TNFRSF1B: variants seen among roughly 807,000 people sequenced by gnomAD.
TNFRSF1B encodes TNF receptor superfamily member 1B, also known as tumor necrosis factor receptor superfamily member 1B.
Under a neutral mutation model 44.6 loss-of-function variants are expected in TNFRSF1B, and 19 were observed. The ratio of observed to expected loss-of-function variants is 0.43; its 90% CI spans 0.30 to 0.62. The LOEUF is 0.62. Among genes scored for constraint, TNFRSF1B ranks in the 20% least tolerant of loss-of-function variants. The pLI is 0.16. For synonymous variants in TNFRSF1B, 252 were observed against 261.1 expected, an observed-to-expected ratio of 0.97 and a Z score of 0.34; for missense variants, 541 against 619.9, an observed-to-expected ratio of 0.87 and a Z score of 1.35.
At chr1:12,170,119 G>A (rs1248792376) in intron 1 of TNFRSF1B, among the ~76,000 whole-genome samples, 2 of 152,184 alleles carry the variant, frequency 1.3e-5, no homozygotes, top group African/African-American at 4.8e-5. Flanking sequence ...GTGGTCTGTT[G>A]GTCAGGCACG....
In TNFRSF1B at chr1:12,180,517, T is replaced by TAAATTCC. The variant is rs1465779044; in HGVS notation, c.79-8279_79-8278insAAATTCC. On this transcript the variant is annotated intron_variant, in intron 1 of 9. Transcript: ENST00000376259. The surrounding 1 kb of genome is among the most constrained non-coding windows in gnomAD (Gnocchi z 4.3). The stretch of plus-strand genomic sequence containing the variant: ...AGCAAGTCAGTTGACCCGGGGTTGC[T>TAAATTCC]CAATTCCCCAAGAGCTGACGCAAAC... Among the ~76,000 whole-genome samples, 7 of 152,184 alleles carry TAAATTCC rather than the reference T, an allele frequency of 4.6e-5. No individual in the cohort carries two copies. The highest frequency in any genetic ancestry group is 2.9e-5 in the Non-Finnish European group (2 of 68,026).
rs1436040587 is a variant in TNFRSF1B, at chr1:12,171,107, A to G, written c.78+3938A>G. 6.6e-6 allele frequency among the ~76,000 whole-genome samples: 1 copy of G among 150,760 alleles called. No homozygotes were observed. Among genetic ancestry groups the G allele is most frequent in the Non-Finnish European group, 1.5e-5 (1 of 67,842 alleles). On this transcript the variant is annotated intron_variant, in intron 1 of 9. Coordinates refer to ENST00000376259, the MANE Select transcript of TNFRSF1B (RefSeq NM_001066.3). This position sits in a 1 kb window ranked among gnomAD's most constrained non-coding sequence, Gnocchi z 4.5. ...AACCTCCACCTCCTGGGTTCAAGCA[A>G]TTTTCCCACCTCAGCCTCCCAAGTA...
At chr1:12,204,516 T>G (rs1409718307) in intron 9 of TNFRSF1B, among the ~76,000 whole-genome samples, 1 of 152,180 alleles carries the variant, frequency 6.6e-6, no homozygotes, top group Non-Finnish European at 1.5e-5. Flanking sequence ...AGCAGGCCCC[T>G]GCAGCAACAG....
In TNFRSF1B at chr1:12,171,590, T is replaced by C. The variant is rs959820782; in HGVS notation, c.78+4421T>C. On this transcript the variant is annotated intron_variant, in intron 1 of 9. Transcript: ENST00000376259. This position sits in a 1 kb window ranked among gnomAD's most constrained non-coding sequence, Gnocchi z 4.5. The stretch of plus-strand genomic sequence containing the variant: ...TTTATTATGTCTTCCCACAAGATTG[T>C]AAGTACCGTGAGGACAGGGACTCAT... 1.3e-5 allele frequency among the ~76,000 whole-genome samples: 2 copies of C among 152,250 alleles called. No individual in the cohort carries two copies. Among genetic ancestry groups the C allele is most frequent in the South Asian group, 4.1e-4 (2 of 4,828 alleles).
At chr1:12,172,620 G>A (rs1638546867) in intron 1 of TNFRSF1B, among the ~76,000 whole-genome samples, 2 of 152,214 alleles carry the variant, frequency 1.3e-5, no homozygotes, top group Admixed American at 1.3e-4. Context: ...TCCTGTCTAA[G>A]TGGCTTTGTT....
rs1035970870 is a variant in TNFRSF1B, at chr1:12,171,589, G to T, written c.78+4420G>T. 6.6e-6 allele frequency among the ~76,000 whole-genome samples: 1 copy of T among 152,214 alleles called. No homozygotes were observed. The highest frequency in any genetic ancestry group is 2.4e-5 in the African/African-American group (1 of 41,450). Reference sequence around the variant, plus strand: ...TTTTATTATGTCTTCCCACAAGATTGTAAGTACCGTGAGGACAGGGACTCA... The same window carrying T: ...TTTTATTATGTCTTCCCACAAGATTTTAAGTACCGTGAGGACAGGGACTCA... On this transcript the variant is annotated intron_variant, in intron 1 of 9. Coordinates refer to ENST00000376259, the MANE Select transcript of TNFRSF1B (RefSeq NM_001066.3). This position sits in a 1 kb window ranked among gnomAD's most constrained non-coding sequence, Gnocchi z 4.5.
chr1:12,200,463 T>C (rs1031085532), intron 8 of TNFRSF1B, among the ~76,000 whole-genome samples: 15 of 152,034 alleles, frequency 9.9e-5, no homozygotes, highest in Non-Finnish European at 2.1e-4. Flanking sequence ...TCAGGCTTTG[T>C]GGACTGTATG....
Position 12,167,022 on chromosome 1 carries a change from G to C in TNFRSF1B, c.-70G>C, listed in dbSNP as rs1042519202. 8.9e-7 allele frequency: 1 copy of C among 1,120,758 alleles called. No individual in the cohort carries two copies. Among genetic ancestry groups the C allele is most frequent in the Non-Finnish European group, 1.1e-6 (1 of 878,256 alleles). The allele number at this position is 1,120,758 out of a possible 1,614,324, so 69.4% of individuals were successfully genotyped here. On this transcript the variant is annotated 5_prime_UTR_variant, in exon 1 of 10. Transcript: ENST00000376259. Reference sequence around the variant, plus strand: ...GGGCTAGCGAGCGCAGCGGAGCCTGGAGAGAAGGCGCTGGGCTGCGAGGGC... The same window carrying C: ...GGGCTAGCGAGCGCAGCGGAGCCTGCAGAGAAGGCGCTGGGCTGCGAGGGC...
intron 8 of TNFRSF1B, among the ~76,000 whole-genome samples, chr1:12,198,126 A>C (rs74980873): frequency 6.6e-6 from 1 of 151,642 alleles, no homozygotes; most frequent in Non-Finnish European, 1.5e-5. Context: ...CATCTCAAAA[A>C]AAAAAAAAAA....
chr1:12,204,503 C>T (rs1417184854), intron 9 of TNFRSF1B, among the ~76,000 whole-genome samples: 1 of 152,174 alleles, frequency 6.6e-6, no homozygotes, highest in Non-Finnish European at 1.5e-5. Context: ...GGTGAGGGCA[C>T]TCAGCAGGCC....
Position 12,191,073 on chromosome 1 carries a change from C to A in TNFRSF1B, c.295C>A (p.Arg99Ser), listed in dbSNP as rs745464912. ...WVPECLSCGS[R>S]CSSDQVETQA... ...TCCCGAGTGCTTGAGCTGTGGCTCC[C>A]GCTGTAGCTCTGGTGAGTAGGTTCA... Residue 99 changes from arginine (R) to serine (S), a missense_variant, in exon 3 of 10, where the codon CGC becomes AGC. Transcript: ENST00000376259. 6.2e-7 allele frequency: 1 copy of A among 1,614,122 alleles called. No homozygotes were observed. The highest frequency in any genetic ancestry group is 2.2e-5 in the East Asian group (1 of 44,886).
At chr1:12,189,117 C>G (rs1415697917) in intron 2 of TNFRSF1B, among the ~76,000 whole-genome samples, 1 of 152,194 alleles carries the variant, frequency 6.6e-6, no homozygotes, top group African/African-American at 2.4e-5. Context: ...CCCTTTAGAC[C>G]TCAGCTGAAG....
At chr1:12,202,210 C>T in intron 9 of TNFRSF1B, 39 bp downstream of exon 9, 4 of 1,533,508 alleles carry the variant, frequency 2.6e-6, no homozygotes, top group Non-Finnish European at 3.5e-6. Context: ...TCCCAAGCCT[C>T]CTTGGTCTTT....
At position 12,202,044 on chromosome 1, in the gene TNFRSF1B, C is replaced by T. The variant is rs1243471473; in HGVS notation, c.978C>T (p.Ser326=). 1 of 1,610,972 alleles carries T rather than the reference C, an allele frequency of 6.2e-7. No homozygotes were observed. ...ACCTGCTGATCACAGCGCCGAGCTC[C>T]AGCAGCAGCTCCCTGGAGAGCTCGG... ...QQHLLITAPS[S]SSSSLESSAS... is the part of the protein sequence containing the mutation. The change falls in exon 9 of 10, where the codon TCC becomes TCT. Residue 326 remains serine, a synonymous_variant. Coordinates refer to ENST00000376259, the MANE Select transcript of TNFRSF1B (RefSeq NM_001066.3).
At chr1:12,183,122 C>T (rs180922885) in intron 1 of TNFRSF1B, among the ~76,000 whole-genome samples, 397 of 152,336 alleles carry the variant, frequency 2.6e-3, no homozygotes, top group Non-Finnish European at 4.5e-3. Flanking sequence ...TGCTCGGTAC[C>T]GATGAGCTAC....
chr1:12,183,850 T>TCTATCTAC lies in TNFRSF1B; in HGVS notation c.79-4943_79-4942insTCTACCTA, dbSNP rs1390376605. Reference sequence around the variant, plus strand: ...ACCTATCTATCTATCTATCTATCTATCTACCTACCTACCTACCTACATATC... The same window carrying TCTATCTAC: ...ACCTATCTATCTATCTATCTATCTATCTATCTACCTACCTACCTACCTACCTACATATC... On this transcript the variant is annotated intron_variant, in intron 1 of 9. Transcript: ENST00000376259. Among the ~76,000 whole-genome samples, 128 of 137,364 alleles carry TCTATCTAC rather than the reference T, an allele frequency of 9.3e-4. 2 individuals carry two copies. The highest frequency in any genetic ancestry group is 3.8e-3 in the Middle Eastern group (1 of 260). 90.1% of individuals were successfully genotyped at this position (137,364 alleles called of 152,430 possible).
intron 4 of TNFRSF1B, 140 bp downstream of exon 4, chr1:12,192,063 C>A: frequency 8.5e-7 from 1 of 1,182,228 alleles, no homozygotes; most frequent in Non-Finnish European, 1.2e-6. Flanking sequence ...GCTACCCATC[C>A]GTCTGTCCAC....
At chr1:12,200,962 A>G (rs773314709) in intron 8 of TNFRSF1B, among the ~76,000 whole-genome samples, 6 of 152,050 alleles carry the variant, frequency 3.9e-5, no homozygotes, top group Non-Finnish European at 7.4e-5. Flanking sequence ...CATTTAAAAC[A>G]TGAAAACCAG....
chr1:12,203,120 C>G (rs1639427699), intron 9 of TNFRSF1B, among the ~76,000 whole-genome samples: 2 of 152,244 alleles, frequency 1.3e-5, no homozygotes, highest in African/African-American at 4.8e-5. Flanking sequence ...CCTGGCAGTG[C>G]CAGCCAGTGA....
Sources: allele counts gnomAD v4.1 joint callset (sites outside exome capture counted in the v4.1 genomes callset), GRCh38; gene constraint gnomAD v4.1.1; non-coding constraint Gnocchi (gnomAD v3.1); transcripts MANE v1.5; gene names NCBI Gene and HGNC (gene_info 2026-07-23, HGNC 2026-07-21).